Variants in ROBO2 observed in about 807,000 individuals in gnomAD.
The protein encoded by ROBO2 is roundabout homolog 2.
Under a neutral mutation model 160.8 loss-of-function variants are expected in ROBO2, and 53 were observed. The observed-to-expected ratio is 0.33, with a 90% CI of 0.26 to 0.41. ROBO2 has a LOEUF of 0.41. Among genes scored for constraint, ROBO2 ranks in the 10% least tolerant of loss-of-function variants. ROBO2 has a pLI of 1.00. For synonymous variants in ROBO2, 664 were observed against 611.7 expected (o/e 1.09, Z -1.26); for missense variants, 1,577 against 1,722.4 (o/e 0.92, Z 1.49).
At chr3:76,270,652 T>C (rs1231105942) in intron 2 of ROBO2, among the ~76,000 whole-genome samples, 1 of 152,062 alleles carries the variant, frequency 6.6e-6, no homozygotes, top group African/African-American at 2.4e-5. Context: ...ACAAAAGCAA[T>C]GTTGGATAAA....
chr3:76,897,574 G>A (rs1307676971), intron 2 of ROBO2, among the ~76,000 whole-genome samples: 4 of 151,898 alleles, frequency 2.6e-5, no homozygotes, highest in Admixed American at 6.6e-5. Context: ...CAAGTACTAG[G>A]GAAAAAAAGT....
intron 2 of ROBO2, among the ~76,000 whole-genome samples, chr3:76,779,601 A>C (rs1285141480): frequency 6.6e-6 from 1 of 150,878 alleles, no homozygotes; most frequent in Non-Finnish European, 1.5e-5. Flanking sequence ...ATCACATAAT[A>C]TTTGTCTTTC....
intron 2 of ROBO2, chr3:77,317,565 TA>T: frequency 7.3e-7 from 1 of 1,369,160 alleles, no homozygotes; most frequent in Non-Finnish European, 1.0e-6. Flanking sequence ...AAGACATCCC[TA>T]GCAGATTTGC....
intron 2 of ROBO2, among the ~76,000 whole-genome samples, chr3:77,109,226 T>G (rs1490216891): frequency 6.6e-6 from 1 of 152,226 alleles, no homozygotes; most frequent in Non-Finnish European, 1.5e-5. Context: ...ATACAGATAC[T>G]TAGAACAAGC....
intron 2 of ROBO2, among the ~76,000 whole-genome samples, chr3:77,031,739 A>G (rs2063341407): frequency 6.8e-6 from 1 of 147,710 alleles, no homozygotes; most frequent in Non-Finnish European, 1.5e-5. Context: ...ATAAATATAT[A>G]TTAGATATGT....
chr3:76,367,843 A>G (rs542801496), intron 2 of ROBO2, among the ~76,000 whole-genome samples: 55 of 152,024 alleles, frequency 3.6e-4, no homozygotes, highest in African/African-American at 1.3e-3. Flanking sequence ...ATTCATTTCC[A>G]CAAGTCTTTT....
intron 2 of ROBO2, among the ~76,000 whole-genome samples, chr3:77,161,081 C>G (rs185526978): frequency 2.2e-4 from 34 of 152,244 alleles, no homozygotes; most frequent in African/African-American, 7.5e-4. Context: ...TACAAAAGCT[C>G]CCTCCCTGTA....
At chr3:77,109,625 G>T (rs1054325853) in intron 2 of ROBO2, among the ~76,000 whole-genome samples, 1 of 152,198 alleles carries the variant, frequency 6.6e-6, no homozygotes, top group Non-Finnish European at 1.5e-5. Context: ...AATAATCTCT[G>T]GGGCTTGCTA....
chr3:77,595,396 G>T (rs1194748052), intron 18 of ROBO2, among the ~76,000 whole-genome samples: 15 of 152,136 alleles, frequency 9.9e-5, no homozygotes, highest in Admixed American at 8.5e-4. Flanking sequence ...AGATGCCCCT[G>T]AAGAAATTAG....
At chr3:77,465,262 G>A (rs769165359) in intron 2 of ROBO2, among the ~76,000 whole-genome samples, 1 of 152,102 alleles carries the variant, frequency 6.6e-6, no homozygotes, top group South Asian at 2.1e-4. Flanking sequence ...TGGAGGTTTC[G>A]TAGACTTTCT....
chr3:77,176,913 T>C (rs1386237653), intron 2 of ROBO2, among the ~76,000 whole-genome samples: 1 of 151,980 alleles, frequency 6.6e-6, no homozygotes, highest in Non-Finnish European at 1.5e-5. Context: ...ATGGTCTGTT[T>C]GTAGAAAAGA....
chr3:76,393,125 T>C (rs942116275), intron 2 of ROBO2, among the ~76,000 whole-genome samples: 2 of 152,144 alleles, frequency 1.3e-5, no homozygotes, highest in African/African-American at 2.4e-5. Flanking sequence ...AGATATAACA[T>C]CGTTTTGTGT....
chr3:77,511,863 T>G (rs557310464), intron 5 of ROBO2, among the ~76,000 whole-genome samples: 5 of 152,092 alleles, frequency 3.3e-5, no homozygotes, highest in South Asian at 2.1e-4. Flanking sequence ...CCTCCCAGGA[T>G]TTTTTCTTTC....
At chr3:76,413,822 G>A (rs1252800158) in intron 2 of ROBO2, among the ~76,000 whole-genome samples, 1 of 152,116 alleles carries the variant, frequency 6.6e-6, no homozygotes, top group African/African-American at 2.4e-5. Flanking sequence ...CAGTTCCAAA[G>A]TCGCTTCCAC....
Position 77,525,466 on chromosome 3 carries a change from C to T in ROBO2, c.934+2564C>T, listed in dbSNP as rs530605318. Among the ~76,000 whole-genome samples the T allele has an allele frequency of 8.0e-5, 12 of 150,234 alleles. No individual in the cohort carries two copies. The East Asian group carries it at 2.2e-3, about 27-fold the overall frequency. ...AATTGAGGCTGAACATCAAGAAGCT[C>T]CCTTTGCTGACTTGGCAAATGTAAA... On this transcript the variant is annotated intron_variant, in intron 6 of 25. Transcript: ENST00000461745.
chr3:76,837,285 A>C (rs2067787711), intron 2 of ROBO2, among the ~76,000 whole-genome samples: 1 of 151,898 alleles, frequency 6.6e-6, no homozygotes, highest in African/African-American at 2.4e-5. Flanking sequence ...AGCTTTACAT[A>C]ATGCACATAC....
At chr3:77,372,405 AT>A (rs11314526) in intron 2 of ROBO2, among the ~76,000 whole-genome samples, 6,733 of 152,044 alleles carry the variant, frequency 0.044, 471 homozygotes, top group East Asian at 0.24. Flanking sequence ...CAAATATTAT[AT>A]TTTTCATTAT....
At chr3:77,641,539 CA>C (rs1583468630) in intron 24 of ROBO2, among the ~76,000 whole-genome samples, 2 of 152,036 alleles carry the variant, frequency 1.3e-5, no homozygotes, top group African/African-American at 2.4e-5. Context: ...AAAATGGCAT[CA>C]GAAATAATTG....
At chr3:77,186,229 G>C (rs1181335011) in intron 2 of ROBO2, among the ~76,000 whole-genome samples, 7 of 151,716 alleles carry the variant, frequency 4.6e-5, no homozygotes. Flanking sequence ...GTTAGAAGTA[G>C]ACAAAAATGT....
Sources: gnomAD v4.1 joint callset for allele counts (sites outside exome capture counted in the v4.1 genomes callset) on GRCh38, gnomAD v4.1.1 for gene constraint, MANE v1.5 for transcripts, NCBI Gene and HGNC (gene_info 2026-07-23, HGNC 2026-07-21) for gene names.